C12orf42: variants seen among roughly 807,000 people sequenced by gnomAD.
C12orf42 encodes chromosome 12 open reading frame 42.
In C12orf42, 25 loss-of-function variants were observed where a neutral mutation model predicts 21.6. That is an observed-to-expected ratio of 1.16 (90% CI 0.84 to 1.62). The LOEUF (loss-of-function observed/expected upper bound fraction) is 1.62. Among genes scored for constraint, C12orf42 ranks in the 40% most tolerant of loss-of-function variants. The pLI, the probability that C12orf42 is intolerant of heterozygous loss-of-function variation, is 0.00. For missense variants in C12orf42, 483 were observed against 459.3 expected (o/e 1.05, Z -0.47); for synonymous variants, 174 against 175.0 (o/e 0.99, Z 0.05).
At position 103,352,952 on chromosome 12, in the gene C12orf42, T is replaced by C. The variant is rs973770918; in HGVS notation, c.259+15935A>G. Reference sequence around the variant, plus strand: ...GGTCGTGTCCCAAAAAACAGAGAAGTGTGGGTTTATCAAAGGTAAGCAGGC... The same window carrying C: ...GGTCGTGTCCCAAAAAACAGAGAAGCGTGGGTTTATCAAAGGTAAGCAGGC... On this transcript the variant is annotated intron_variant, in intron 4 of 5. Transcript: ENST00000548883. Among the ~76,000 whole-genome samples the C allele has an allele frequency of 5.3e-5, 8 of 152,086 alleles. No homozygotes were observed. The South Asian group carries it at 8.3e-4, about 16-fold the overall frequency.
At chr12:103,470,031 C>T (rs1025087249) in intron 2 of C12orf42, among the ~76,000 whole-genome samples, 3 of 152,090 alleles carry the variant, frequency 2.0e-5, no homozygotes, top group East Asian at 3.8e-4. Context: ...ATACTGAAGG[C>T]GAAATTGTTT....
the C12orf42 span, among the ~76,000 whole-genome samples, chr12:103,057,198 TTTTAC>T: frequency 2.1e-4 from 32 of 152,082 alleles, no homozygotes; most frequent in African/African-American, 7.5e-4. Context: ...TTTTTTTTAA[TTTTAC>T]TTTAAGTTCA....
intron 1 of C12orf42, chr12:103,495,673 G>T (rs1955498379): frequency 6.6e-6 from 1 of 152,064 alleles, no homozygotes; most frequent in Admixed American, 6.5e-5. Context: ...GTTGGGGCGG[G>T]GGAGGAGAGC....
At chr12:103,482,145 A>G (rs1954517725) in intron 1 of C12orf42, among the ~76,000 whole-genome samples, 1 of 152,106 alleles carries the variant, frequency 6.6e-6, no homozygotes, top group Admixed American at 6.5e-5. Context: ...ATACTTATCA[A>G]TATGTTTCAT....
chr12:103,500,870 C>A (rs923534617), upstream of C12orf42, among the ~76,000 whole-genome samples: 1 of 152,158 alleles, frequency 6.6e-6, no homozygotes, highest in African/African-American at 2.4e-5. Context: ...AAATTGTGTT[C>A]CTGTCTTTAA....
chr12:103,322,121 GCGCGCACACACA>G (rs1247353526), intron 4 of C12orf42, among the ~76,000 whole-genome samples: 12 of 97,740 alleles, frequency 1.2e-4, no homozygotes, highest in African/African-American at 3.5e-4. Context: ...GTGCGCGCGC[GCGCGCACACACA>G]CACACACACA....
the C12orf42 span, among the ~76,000 whole-genome samples, chr12:103,210,562 G>A: frequency 1.0e-4 from 15 of 149,348 alleles, no homozygotes; most frequent in East Asian, 4.0e-4. Flanking sequence ...TCTTTTATGG[G>A]CTATATTGCA....
chr12:103,135,389 G>A, the C12orf42 span, among the ~76,000 whole-genome samples: 17 of 151,936 alleles, frequency 1.1e-4, no homozygotes, highest in East Asian at 5.8e-4. Context: ...GCCCCAAAGC[G>A]GAGGTTGCAG....
chr12:103,429,899 G>A (rs1308227873), intron 2 of C12orf42, among the ~76,000 whole-genome samples: 1 of 152,116 alleles, frequency 6.6e-6, no homozygotes, highest in African/African-American at 2.4e-5. Flanking sequence ...AATGGTGTTG[G>A]GAAAACCAGC....
At chr12:103,463,088 A>T (rs1837869731) in intron 2 of C12orf42, among the ~76,000 whole-genome samples, 2 of 152,220 alleles carry the variant, frequency 1.3e-5, no homozygotes, top group African/African-American at 4.8e-5. Flanking sequence ...ATCGCTCTTA[A>T]AATCAAACAG....
At chr12:103,346,816 C>A (rs1169416972) in intron 4 of C12orf42, among the ~76,000 whole-genome samples, 1 of 152,172 alleles carries the variant, frequency 6.6e-6, no homozygotes, top group Non-Finnish European at 1.5e-5. Flanking sequence ...GACAGAACTG[C>A]AGGTTGAAGC....
intron 3 of C12orf42, among the ~76,000 whole-genome samples, chr12:103,381,488 T>C (rs958107944): frequency 6.6e-6 from 1 of 152,158 alleles, no homozygotes; most frequent in African/African-American, 2.4e-5. Flanking sequence ...AAAACATTGT[T>C]GATGATGACA....
chr12:103,306,366 C>T (rs368680339), intron 4 of C12orf42, 21 bp from the exon 5 acceptor site: 5 of 1,559,950 alleles, frequency 3.2e-6, no homozygotes, highest in South Asian at 1.2e-5. Context: ...TAAATACATT[C>T]GTTTGAAAAA....
chr12:103,362,916 A>C (rs1402649223), intron 4 of C12orf42, among the ~76,000 whole-genome samples: 1 of 152,106 alleles, frequency 6.6e-6, no homozygotes, highest in Non-Finnish European at 1.5e-5. Flanking sequence ...AAGTTTGGAA[A>C]ACATATCTGG....
chr12:103,373,155 T>A (rs1049711789), intron 3 of C12orf42, among the ~76,000 whole-genome samples: 1 of 152,152 alleles, frequency 6.6e-6, no homozygotes, highest in Non-Finnish European at 1.5e-5. Flanking sequence ...CCACCTTTTT[T>A]CTTTTAAGAT....
chr12:103,058,269 C>T, the C12orf42 span, among the ~76,000 whole-genome samples: 1 of 152,022 alleles, frequency 6.6e-6, no homozygotes. Context: ...AGCTTTTTTT[C>T]ATGTTTGTTG....
At chr12:103,088,710 T>C in the C12orf42 span, among the ~76,000 whole-genome samples, 1 of 152,208 alleles carries the variant, frequency 6.6e-6, no homozygotes, top group Non-Finnish European at 1.5e-5. Context: ...TCATAAAATG[T>C]AGCTTCCATT....
the C12orf42 span, among the ~76,000 whole-genome samples, chr12:103,539,579 ATTT>A: frequency 1.4e-5 from 2 of 146,118 alleles, no homozygotes; most frequent in Non-Finnish European, 3.0e-5. Context: ...TGTAAGTTTA[ATTT>A]TTTTTTTTTT....
chr12:103,381,364 G>A lies in C12orf42; in HGVS notation c.148-12366C>T, dbSNP rs749965864. ...AAGGATGCAAGCACAGGGTGAAGGC[G>A]TCCCAAGCAAAGCTCTTAGAATCAG... On this transcript the variant is annotated intron_variant, in intron 3 of 5. Transcript: ENST00000548883. Among the ~76,000 whole-genome samples, 6 of 152,156 alleles carry A rather than the reference G, an allele frequency of 3.9e-5. No homozygotes were observed. In the South Asian group the frequency reaches 6.2e-4, roughly 16 times the overall value.
Sources: gnomAD v4.1 joint callset for allele counts (sites outside exome capture counted in the v4.1 genomes callset) on GRCh38, gnomAD v4.1.1 for gene constraint, MANE v1.5 for transcripts, NCBI Gene and HGNC (gene_info 2026-07-23, HGNC 2026-07-21) for gene names.